Variants in LRP6 observed in about 807,000 individuals in gnomAD.
LRP6 encodes the protein LDL receptor related protein 6.
A neutral mutation model predicts 184.1 loss-of-function variants in LRP6; 43 were observed. The observed-to-expected ratio is 0.23, with a 90% CI of 0.18 to 0.30. The LOEUF (loss-of-function observed/expected upper bound fraction) is 0.30. LRP6 is among the 10% of genes least tolerant of loss of function. The pLI, the probability that LRP6 is intolerant of heterozygous loss-of-function variation, is 1.00. For missense variants in LRP6, 1,571 were observed against 2,005.3 expected, an observed-to-expected ratio of 0.78 and a Z score of 4.14; for synonymous variants, 719 against 684.9, an observed-to-expected ratio of 1.05 and a Z score of -0.78.
At chr12:12,238,235 AC>A (rs1228427555) in intron 2 of LRP6, among the ~76,000 whole-genome samples, 58 of 151,804 alleles carry the variant, frequency 3.8e-4, no homozygotes, top group African/African-American at 1.3e-3. Flanking sequence ...AAAAAAAAAA[AC>A]AGAAAGTGGC....
intron 7 of LRP6, among the ~76,000 whole-genome samples, chr12:12,170,171 C>T (rs748202656): frequency 2.0e-5 from 3 of 152,084 alleles, no homozygotes; most frequent in Non-Finnish European, 4.4e-5. Context: ...CCCCTCTCTA[C>T]TGAAAATACA....
rs7309038 is a variant in LRP6, at chr12:12,219,290, C to A, written c.450-15890G>T. Among the ~76,000 whole-genome samples, 463 of 152,316 alleles carry A rather than the reference C, an allele frequency of 3.0e-3. 3 individuals carry two copies. Among genetic ancestry groups the A allele is most frequent in the African/African-American group, 0.01 (436 of 41,560 alleles). ...CACCGTCTCGGCTCACTGCAACCTC[C>A]ACCACCCGGGGTTCAAACGATTCTC... On this transcript the variant is annotated intron_variant, in intron 2 of 22. Coordinates refer to ENST00000261349, the MANE Select transcript of LRP6 (RefSeq NM_002336.3).
chr12:12,184,976 A>T (rs1208807982), intron 4 of LRP6, among the ~76,000 whole-genome samples: 1 of 152,138 alleles, frequency 6.6e-6, no homozygotes, highest in Non-Finnish European at 1.5e-5. Context: ...AGTAAAACAT[A>T]AAGGACCAAC....
chr12:12,237,589 C>A lies in LRP6; in HGVS notation c.449+6673G>T, dbSNP rs140482208. On this transcript the variant is annotated intron_variant, in intron 2 of 22. Coordinates refer to ENST00000261349, the MANE Select transcript of LRP6 (RefSeq NM_002336.3). ...AGCCAAGTGATCAACTGTAACATCA[C>A]CTAGTATCCACATAATGTGCCTGCT... 9.6e-3 allele frequency among the ~76,000 whole-genome samples: 1,462 copies of A among 152,278 alleles called. 18 individuals are homozygous for A. The highest frequency in any genetic ancestry group is 0.033 in the African/African-American group (1,386 of 41,550).
chr12:12,195,498 T>C (rs1863730493), intron 3 of LRP6, among the ~76,000 whole-genome samples: 1 of 152,188 alleles, frequency 6.6e-6, no homozygotes. Context: ...TATGCCTTCT[T>C]TTGATACATG....
At chr12:12,171,273 T>C (rs1863031516) in intron 7 of LRP6, among the ~76,000 whole-genome samples, 1 of 152,146 alleles carries the variant, frequency 6.6e-6, no homozygotes, top group Admixed American at 6.5e-5. Flanking sequence ...TCCCAGCACT[T>C]TGGGAGGCCA....
At chr12:12,135,369 G>A (rs1470848232) in intron 16 of LRP6, 69 bp from the exon 17 acceptor site, 6 of 1,047,042 alleles carry the variant, frequency 5.7e-6, no homozygotes, top group African/African-American at 4.8e-5. Context: ...GGAGAGAAGA[G>A]AAAAAGGGAC....
At chr12:12,149,344 C>T (rs979519075) in intron 13 of LRP6, among the ~76,000 whole-genome samples, 191 bp from the exon 14 acceptor site, 9 of 151,986 alleles carry the variant, frequency 5.9e-5, no homozygotes, top group African/African-American at 1.9e-4. Context: ...TCAAATGTTC[C>T]TTGGGTTATC....
chr12:12,144,320 T>C (rs1949973379), intron 15 of LRP6, among the ~76,000 whole-genome samples: 3 of 152,182 alleles, frequency 2.0e-5, no homozygotes, highest in African/African-American at 4.8e-5. Flanking sequence ...TTAATTGTAA[T>C]GAATGAAACA....
At chr12:12,153,202 A>G (rs1277000174) in intron 12 of LRP6, among the ~76,000 whole-genome samples, 2 of 151,900 alleles carry the variant, frequency 1.3e-5, no homozygotes, top group Non-Finnish European at 2.9e-5. Flanking sequence ...TAAAGGTTCT[A>G]AATTGGCTGG....
intron 7 of LRP6, among the ~76,000 whole-genome samples, chr12:12,175,735 T>C (rs1270183816): frequency 1.3e-5 from 2 of 148,970 alleles, no homozygotes; most frequent in East Asian, 3.9e-4. Flanking sequence ...ATAAAATAAA[T>C]AAATAAATAG....
intron 2 of LRP6, among the ~76,000 whole-genome samples, chr12:12,208,206 T>A (rs1591948732): frequency 6.6e-6 from 1 of 152,212 alleles, no homozygotes. Flanking sequence ...TATGAAGCTA[T>A]AGATGTAAAA....
intron 2 of LRP6, among the ~76,000 whole-genome samples, chr12:12,226,155 G>A (rs1435562890): frequency 1.3e-5 from 2 of 152,152 alleles, no homozygotes; most frequent in African/African-American, 2.4e-5. Flanking sequence ...CCAGGGCAAT[G>A]GCTGACTAAA....
Position 12,184,030 on chromosome 12 carries a change from GCA to G in LRP6, c.924_925del (p.Ala309LeufsTer69). 1 of 1,612,668 alleles carries G rather than the reference GCA, an allele frequency of 6.2e-7. No individual in the cohort carries two copies. Among genetic ancestry groups the G allele is most frequent in the Non-Finnish European group, 8.5e-7 (1 of 1,178,648 alleles). ...CAGGAGTTTGACCCCAGTGGGGCAA[GCA>G]CACTGATAAAAAGGCTTGACTGGAG... On this transcript the variant is annotated frameshift_variant, in exon 5 of 23. Coordinates refer to ENST00000261349, the MANE Select transcript of LRP6 (RefSeq NM_002336.3). LOFTEE classifies it high-confidence loss of function.
chr12:12,202,640 G>A (rs1025051121), intron 3 of LRP6, among the ~76,000 whole-genome samples: 12 of 152,240 alleles, frequency 7.9e-5, no homozygotes, highest in Non-Finnish European at 7.3e-5. Context: ...AGTAGCAGAA[G>A]TAGTTGAACC....
chr12:12,123,653 A>C (rs374295221), intron 22 of LRP6, among the ~76,000 whole-genome samples: 4 of 152,330 alleles, frequency 2.6e-5, no homozygotes, highest in East Asian at 3.9e-4. Flanking sequence ...TTGGCCTTTC[A>C]AGGAACATAG....
intron 10 of LRP6, 146 bp from the exon 11 acceptor site, chr12:12,160,110 C>T (rs1198156938): frequency 3.2e-6 from 2 of 631,602 alleles, no homozygotes; most frequent in Admixed American, 3.1e-5. Context: ...GGCTACAATG[C>T]TTTCAATTAT....
chr12:12,158,777 A>T, intron 12 of LRP6, 52 bp downstream of exon 12: 1 of 1,570,056 alleles, frequency 6.4e-7, no homozygotes. Context: ...AAGTACTTTG[A>T]AAATGCTGCT....
Position 12,118,406 on chromosome 12 carries a change from A to G in LRP6, c.*2720T>C, listed in dbSNP as rs551777337. 6.6e-6 allele frequency: 1 copy of G among 152,254 alleles called. No individual in the cohort carries two copies. The highest frequency in any genetic ancestry group is 1.5e-5 in the Non-Finnish European group (1 of 68,042). The allele number at this position is 152,254 out of a possible 1,614,324, so 9.4% of individuals were successfully genotyped here. A position where few individuals can be genotyped will look rare whatever the true frequency, so the allele number is the denominator to read the frequency against. ...GTTTATTTCTTGGACAATTTTAATC[A>G]CATCAGTTAGTGCATATATTTTAGG... On this transcript the variant is annotated 3_prime_UTR_variant, in exon 23 of 23. Coordinates refer to ENST00000261349, the MANE Select transcript of LRP6 (RefSeq NM_002336.3).
Sources: allele counts gnomAD v4.1 joint callset (sites outside exome capture counted in the v4.1 genomes callset), GRCh38; gene constraint gnomAD v4.1.1; transcripts MANE v1.5; gene names NCBI Gene and HGNC (gene_info 2026-07-23, HGNC 2026-07-21).